GABRA2: variants seen among roughly 807,000 people sequenced by gnomAD.
GABRA2 encodes the protein gamma-aminobutyric acid receptor subunit alpha-2.
In GABRA2, 16 loss-of-function variants were observed where a neutral mutation model predicts 48.7. The observed-to-expected ratio is 0.33, with a 90% CI of 0.22 to 0.50. The LOEUF (loss-of-function observed/expected upper bound fraction) is 0.50. Among genes scored for constraint, GABRA2 ranks in the 20% least tolerant of loss-of-function variants. GABRA2 has a pLI of 0.98. For missense variants in GABRA2, 275 were observed against 535.6 expected, an observed-to-expected ratio of 0.51 and a Z score of 4.80; for synonymous variants, 185 against 184.5, an observed-to-expected ratio of 1.00 and a Z score of -0.02.
intron 4 of GABRA2, among the ~76,000 whole-genome samples, chr4:46,315,059 T>A (rs1355611878): frequency 1.3e-5 from 2 of 152,072 alleles, no homozygotes; most frequent in African/African-American, 4.8e-5. Context: ...TTTGAGAAAT[T>A]TCCAGACTGC....
rs1717907061 is a variant in GABRA2 at position 46,389,254 on chromosome 4, CTT to C, written c.-11+479_-11+480del. The C allele has an allele frequency of 1.5e-5, 15 of 985,532 alleles. No individual in the cohort carries two copies. In the South Asian group the frequency reaches 6.6e-4, roughly 43 times the overall value. 61.0% of individuals were successfully genotyped at this position (985,532 alleles called of 1,614,324 possible). ...TTACAGTGAACTGCGGTCCTCACGT[CTT>C]CTTTTCTTCACTCCCCTTAACAAAA... is the stretch of plus-strand genomic sequence containing the variant. On this transcript the variant is annotated intron_variant, in intron 1 of 9. Transcript: ENST00000381620.
At chr4:46,293,033 T>G (rs1036134021) in intron 8 of GABRA2, among the ~76,000 whole-genome samples, 1 of 152,124 alleles carries the variant, frequency 6.6e-6, no homozygotes, top group African/African-American at 2.4e-5. Context: ...GCTACTGTAA[T>G]GGACAGCAGA....
chr4:46,271,340 C>A (rs1324765993), intron 8 of GABRA2, among the ~76,000 whole-genome samples: 5 of 151,962 alleles, frequency 3.3e-5, no homozygotes, highest in African/African-American at 9.7e-5. Flanking sequence ...GTTGTATATG[C>A]CTCTAGAAGG....
intron 8 of GABRA2, among the ~76,000 whole-genome samples, chr4:46,291,802 T>C (rs1328752966): frequency 1.3e-5 from 2 of 149,722 alleles, no homozygotes; most frequent in Non-Finnish European, 3.0e-5. Flanking sequence ...CATATACATA[T>C]ATATGTGTAT....
chr4:46,361,414 G>A (rs1713166295), intron 3 of GABRA2, among the ~76,000 whole-genome samples: 1 of 152,204 alleles, frequency 6.6e-6, no homozygotes, highest in Non-Finnish European at 1.5e-5. Context: ...TCCACATGGT[G>A]TTGAGTCTAT....
At chr4:46,270,851 T>G (rs555026333) in intron 8 of GABRA2, among the ~76,000 whole-genome samples, 190 of 151,852 alleles carry the variant, frequency 1.3e-3, no homozygotes, top group African/African-American at 3.9e-3. Context: ...AAAGTCAAAC[T>G]AAGGTAGGTA....
chr4:46,377,139 C>T (rs1298775982), intron 3 of GABRA2, among the ~76,000 whole-genome samples: 3 of 152,066 alleles, frequency 2.0e-5, no homozygotes, highest in African/African-American at 7.2e-5. Flanking sequence ...GAGATTGCAG[C>T]CTCTGCCCGG....
At chr4:46,382,162 A>G (rs1258484811) in intron 3 of GABRA2, among the ~76,000 whole-genome samples, 2 of 149,278 alleles carry the variant, frequency 1.3e-5, no homozygotes, top group Non-Finnish European at 1.5e-5. Context: ...TAAATTATAT[A>G]TATATACACA....
In GABRA2 at chr4:46,312,723, T is replaced by C; in HGVS notation, c.256-7A>G. On this transcript the variant is annotated splice_polypyrimidine_tract_variant and splice_region_variant and intron_variant, in intron 4 of 9. Coordinates refer to ENST00000381620, the MANE Select transcript of GABRA2 (RefSeq NM_000807.4). ...AAACATCAATTGTATATTCCTGAAATAAAAAATAGAATTTTTTTGAAAATA... is the reference window on the plus strand; with the variant it reads ...AAACATCAATTGTATATTCCTGAAACAAAAAATAGAATTTTTTTGAAAATA... The C allele has an allele frequency of 2.1e-6, 3 of 1,408,866 alleles. No homozygotes were observed. The highest frequency in any genetic ancestry group is 2.6e-5 in the South Asian group (2 of 75,850). The allele number at this position is 1,408,866 out of a possible 1,614,324, so 87.3% of individuals were successfully genotyped here. A position where few individuals can be genotyped will look rare whatever the true frequency, so the allele number is the denominator to read the frequency against.
At chr4:46,388,497 C>T in intron 2 of GABRA2, 139 bp downstream of exon 2, 2 of 974,934 alleles carry the variant, frequency 2.1e-6, no homozygotes, top group African/African-American at 1.6e-5. Context: ...TCTATTACTT[C>T]ATAGTTCACT....
In GABRA2 at chr4:46,248,593, A is replaced by T. The variant is rs1164550139; in HGVS notation, c.*1715T>A. 1 of 151,466 alleles carries T rather than the reference A, an allele frequency of 6.6e-6. No individual in the cohort carries two copies. The highest frequency in any genetic ancestry group is 2.0e-4 in the East Asian group (1 of 5,126). The allele number at this position is 151,466 out of a possible 1,614,324, so 9.4% of individuals were successfully genotyped here. A position where few individuals can be genotyped will look rare whatever the true frequency, so the allele number is the denominator to read the frequency against. On this transcript the variant is annotated 3_prime_UTR_variant, in exon 10 of 10. Coordinates refer to ENST00000381620, the MANE Select transcript of GABRA2 (RefSeq NM_000807.4). ...TTTTATACAAGCATGCAAAGCATAT[A>T]ATAGAATCACATGGAAACAAAGAAA...
chr4:46,377,147 C>T (rs1358749863), intron 3 of GABRA2, among the ~76,000 whole-genome samples: 5 of 152,052 alleles, frequency 3.3e-5, no homozygotes, highest in South Asian at 2.1e-4. Flanking sequence ...AGCCTCTGCC[C>T]GGCCGCCACC....
At chr4:46,252,508 T>C (rs984390917) in intron 9 of GABRA2, among the ~76,000 whole-genome samples, 5 of 151,310 alleles carry the variant, frequency 3.3e-5, no homozygotes, top group Non-Finnish European at 7.4e-5. Context: ...GCTAAAAAAG[T>C]TTTCTGACTT....
chr4:46,330,401 C>A (rs543425106), intron 4 of GABRA2, among the ~76,000 whole-genome samples: 1 of 151,818 alleles, frequency 6.6e-6, no homozygotes, highest in African/African-American at 2.4e-5. Flanking sequence ...GTGGTCACAA[C>A]AAGGAGAGGT....
At chr4:46,284,790 T>A (rs2350769) in intron 8 of GABRA2, among the ~76,000 whole-genome samples, 3,264 of 151,870 alleles carry the variant, frequency 0.021, 61 homozygotes, top group African/African-American at 0.043. Flanking sequence ...ATTAATTTTT[T>A]AAAAAAAATT....
chr4:46,311,674 A>G lies in GABRA2; in HGVS notation c.476+822T>C, dbSNP rs538591098. ...ATACTTTTTGAGTTACAAAATGGCA[A>G]TTTCATATGGTTCAATCTAGTACAT... On this transcript the variant is annotated intron_variant, in intron 5 of 9. Coordinates refer to ENST00000381620, the MANE Select transcript of GABRA2 (RefSeq NM_000807.4). Among the ~76,000 whole-genome samples the G allele has an allele frequency of 1.5e-3, 229 of 152,350 alleles. 2 individuals are homozygous for G. The highest frequency in any genetic ancestry group is 5.4e-3 in the African/African-American group (223 of 41,594).
chr4:46,346,152 A>C (rs1734107994), intron 3 of GABRA2, among the ~76,000 whole-genome samples: 1 of 151,956 alleles, frequency 6.6e-6, no homozygotes, highest in Non-Finnish European at 1.5e-5. Flanking sequence ...CCATCAATTG[A>C]ATTAAAGTCA....
At chr4:46,319,017 A>G (rs1248766648) in intron 4 of GABRA2, among the ~76,000 whole-genome samples, 1 of 151,738 alleles carries the variant, frequency 6.6e-6, no homozygotes. Flanking sequence ...CCAGACAAAG[A>G]TGCAGTTTCC....
intron 3 of GABRA2, among the ~76,000 whole-genome samples, chr4:46,341,993 G>T (rs1466100354): frequency 6.6e-6 from 1 of 152,036 alleles, no homozygotes; most frequent in Non-Finnish European, 1.5e-5. Context: ...AGAGTGGACA[G>T]ACAGGTCAAA....
Sources: allele counts gnomAD v4.1 joint callset (sites outside exome capture counted in the v4.1 genomes callset), GRCh38; gene constraint gnomAD v4.1.1; transcripts MANE v1.5; gene names NCBI Gene and HGNC (gene_info 2026-07-23, HGNC 2026-07-21).